The following TTLL13 variants were observed in gnomAD, a reference collection of about 807,000 sequenced individuals.
The protein encoded by TTLL13 is tubulin tyrosine ligase like 13.
the TTLL13 span, among the ~76,000 whole-genome samples, chr15:90,256,450 C>T: frequency 1.3e-5 from 2 of 152,194 alleles, no homozygotes; most frequent in Non-Finnish European, 2.9e-5. Flanking sequence ...TGGTTCAGAA[C>T]CAGCCTGCCT....
At chr15:90,254,132 G>A in the TTLL13 span, among the ~76,000 whole-genome samples, 18 of 151,774 alleles carry the variant, frequency 1.2e-4, no homozygotes, top group African/African-American at 4.1e-4. Flanking sequence ...GGTGGAGGTT[G>A]CAGTGAGCAG....
chr15:90,264,741 T>C, the TTLL13 span: 1 of 1,536,084 alleles, frequency 6.5e-7, no homozygotes, highest in Admixed American at 2.0e-5. Flanking sequence ...AGCAGAAGGC[T>C]AGAAGCCATA....
the TTLL13 span, chr15:90,257,206 C>T: frequency 6.2e-7 from 1 of 1,614,012 alleles, no homozygotes; most frequent in Non-Finnish European, 8.5e-7. Context: ...GTGACCCTCT[C>T]CGGATCTTCA....
At chr15:90,253,823 G>C in the TTLL13 span, among the ~76,000 whole-genome samples, 1 of 152,224 alleles carries the variant, frequency 6.6e-6, no homozygotes, top group East Asian at 1.9e-4. Flanking sequence ...CACAAGAATA[G>C]AACTGCCTTG....
the TTLL13 span, chr15:90,263,131 CT>C: frequency 6.6e-7 from 1 of 1,522,612 alleles, no homozygotes; most frequent in South Asian, 1.2e-5. Context: ...CCAGAAAAAA[CT>C]TCATGAGAGT....
the TTLL13 span, chr15:90,263,606 T>C: frequency 1.7e-6 from 1 of 579,278 alleles, no homozygotes; most frequent in South Asian, 2.3e-5. Context: ...CTTCTGTTTT[T>C]GTTGAACCCC....
chr15:90,253,115 G>A, the TTLL13 span: 1 of 585,574 alleles, frequency 1.7e-6, no homozygotes, highest in South Asian at 2.5e-5. Flanking sequence ...CTAAAGTACA[G>A]GGCTGAGGCA....
chr15:90,256,574 TTTCTTTC>T, the TTLL13 span, among the ~76,000 whole-genome samples: 2 of 41,118 alleles, frequency 4.9e-5, 1 homozygote, highest in African/African-American at 2.2e-4. Context: ...TCTTTCTTTC[TTTCTTTC>T]TTTCTTTCTT....
the TTLL13 span, among the ~76,000 whole-genome samples, chr15:90,256,555 T>TTCTTTCTTTCTTTC: frequency 2.6e-5 from 1 of 38,956 alleles, no homozygotes; most frequent in African/African-American, 1.2e-4. Context: ...TTTTCTTTCT[T>TTCTTTCTTTCTTTC]TCTTTCTTTC....
At chr15:90,263,483 C>T in the TTLL13 span, 3 of 495,220 alleles carry the variant, frequency 6.1e-6, no homozygotes, top group African/African-American at 5.7e-5. Context: ...GTATAATTTT[C>T]TCCCTAGCAC....
chr15:90,259,528 T>C, the TTLL13 span, among the ~76,000 whole-genome samples: 2 of 152,228 alleles, frequency 1.3e-5, no homozygotes, highest in Non-Finnish European at 2.9e-5. Flanking sequence ...CATATGTATA[T>C]AGTACGCATT....
At chr15:90,262,305 T>C in the TTLL13 span, 2 of 1,242,410 alleles carry the variant, frequency 1.6e-6, no homozygotes, top group East Asian at 2.6e-5. Flanking sequence ...AATGGAGCTA[T>C]AAATCCTATC....
chr15:90,250,291 A>G, the TTLL13 span, among the ~76,000 whole-genome samples: 11 of 152,132 alleles, frequency 7.2e-5, no homozygotes, highest in East Asian at 1.9e-4. Flanking sequence ...CTCTTTCCCA[A>G]TTAGGAACAA....
the TTLL13 span, chr15:90,256,342 C>T: frequency 1.2e-6 from 2 of 1,610,840 alleles, no homozygotes; most frequent in Non-Finnish European, 1.7e-6. Flanking sequence ...GTCCCCAGCA[C>T]TGGGCTGCCT....
chr15:90,264,613 C>T, the TTLL13 span: 1 of 1,284,802 alleles, frequency 7.8e-7, no homozygotes. Context: ...TGGAGGGAAG[C>T]ATGAGATGCC....
chr15:90,253,270 G>A, the TTLL13 span: 1 of 1,613,902 alleles, frequency 6.2e-7, no homozygotes, highest in Non-Finnish European at 8.5e-7. Context: ...GCCCAAATGT[G>A]TGGCCTGAAG....
the TTLL13 span, chr15:90,261,952 C>T: frequency 1.4e-6 from 2 of 1,412,500 alleles, no homozygotes; most frequent in Non-Finnish European, 1.9e-6. Flanking sequence ...CTTCCTTTCC[C>T]TACTGAACAT....
At chr15:90,263,112 C>A in the TTLL13 span, 4 of 1,529,378 alleles carry the variant, frequency 2.6e-6, no homozygotes, top group Non-Finnish European at 2.6e-6. Context: ...AGCACCCTGG[C>A]CCCCAGGGCC....
At chr15:90,256,593 CTTTCTTTCTTTCT>C in the TTLL13 span, among the ~76,000 whole-genome samples, 33 of 39,034 alleles carry the variant, frequency 8.5e-4, no homozygotes, top group South Asian at 1.1e-3. Context: ...TTCTTTCTTT[CTTTCTTTCTTTCT>C]TTCCTTCCTT....
Sources: allele counts gnomAD v4.1 joint callset (sites outside exome capture counted in the v4.1 genomes callset), GRCh38; gene constraint gnomAD v4.1.1; transcripts MANE v1.5; gene names NCBI Gene and HGNC (gene_info 2026-07-23, HGNC 2026-07-21).